NPAS3: variants seen among roughly 807,000 people sequenced by gnomAD.
NPAS3 encodes the protein neuronal PAS domain protein 3, also known as neuronal PAS domain-containing protein 3.
In NPAS3, 14 loss-of-function variants were observed where a neutral mutation model predicts 73.1. That is an observed-to-expected ratio of 0.19 (90% CI 0.13 to 0.30). The LOEUF (loss-of-function observed/expected upper bound fraction) is 0.30, where lower values mean the gene tolerates loss of function less well. Ranked by LOEUF, NPAS3 falls within the 10% of genes least tolerant of loss-of-function variation. The pLI is 1.00. For missense variants in NPAS3, 1,096 were observed against 1,250.0 expected (o/e 0.88, Z 1.86); for synonymous variants, 620 against 541.5 (o/e 1.14, Z -2.01).
intron 4 of NPAS3, among the ~76,000 whole-genome samples, chr14:33,473,073 T>C (rs10150249): frequency 0.042 from 6,379 of 151,604 alleles, 800 homozygotes; most frequent in African/African-American, 0.14. Flanking sequence ...GAGGGTAAGA[T>C]AGTGATTTCG....
intron 3 of NPAS3, among the ~76,000 whole-genome samples, chr14:33,353,187 G>T (rs1168951825): frequency 6.6e-6 from 1 of 151,592 alleles, no homozygotes; most frequent in Non-Finnish European, 1.5e-5. Flanking sequence ...GGGAAACAAG[G>T]TCTTTTTGTC....
intron 1 of NPAS3, among the ~76,000 whole-genome samples, chr14:32,943,982 G>A (rs540063108): frequency 6.6e-6 from 1 of 152,148 alleles, no homozygotes; most frequent in Admixed American, 6.5e-5. Context: ...GAGCCACTGT[G>A]CCTGGCCTTT....
intron 3 of NPAS3, among the ~76,000 whole-genome samples, chr14:33,258,958 C>T (rs574849513): frequency 2.8e-4 from 43 of 152,214 alleles, no homozygotes; most frequent in African/African-American, 9.6e-4. Flanking sequence ...GGACTACAGG[C>T]GCCCGCCACC....
At chr14:33,558,451 G>A (rs914770100) in intron 4 of NPAS3, among the ~76,000 whole-genome samples, 1 of 152,136 alleles carries the variant, frequency 6.6e-6, no homozygotes, top group East Asian at 1.9e-4. Context: ...TAGAGATGGG[G>A]TTTCCACCAT....
At chr14:33,276,448 A>G (rs190292991) in intron 3 of NPAS3, among the ~76,000 whole-genome samples, 12 of 152,274 alleles carry the variant, frequency 7.9e-5, no homozygotes, top group African/African-American at 2.2e-4. Flanking sequence ...CCATCTCCCT[A>G]TTATGAACAA....
chr14:33,425,859 G>A (rs570162752), intron 4 of NPAS3, among the ~76,000 whole-genome samples: 2 of 152,138 alleles, frequency 1.3e-5, no homozygotes, highest in Non-Finnish European at 2.9e-5. Flanking sequence ...CACCTCACGG[G>A]AACTTGTTAG....
chr14:33,772,381 G>A (rs951974938), intron 7 of NPAS3, among the ~76,000 whole-genome samples: 1 of 152,258 alleles, frequency 6.6e-6, no homozygotes, highest in East Asian at 1.9e-4. Context: ...TACCATGATG[G>A]CCACAGGCAA....
chr14:33,459,175 G>A (rs1326140074), intron 4 of NPAS3, among the ~76,000 whole-genome samples: 1 of 152,018 alleles, frequency 6.6e-6, no homozygotes. Flanking sequence ...TGCCATTTTG[G>A]TTTTGGTGGG....
At position 33,675,981 on chromosome 14, in the gene NPAS3, G is replaced by GAAA. The variant is rs370850396; in HGVS notation, c.559-219_559-217dup. Among the ~76,000 whole-genome samples, 59 of 138,120 alleles carry GAAA rather than the reference G, an allele frequency of 4.3e-4. No homozygotes were observed. The Middle Eastern group carries it at 0.015, about 35-fold the overall frequency. The allele number at this position is 138,120 out of a possible 152,430, so 90.6% of individuals were successfully genotyped here. ...CTTTATGCAAACAACAGTGTGTGAG[G>GAAA]AAAAAAAAAAAAACTGAGCTTAACA... On this transcript the variant is annotated intron_variant, in intron 5 of 11. Coordinates refer to ENST00000356141, the Ensembl canonical transcript of NPAS3.
intron 3 of NPAS3, among the ~76,000 whole-genome samples, chr14:33,356,477 G>A (rs987353621): frequency 1.3e-5 from 2 of 152,214 alleles, no homozygotes; most frequent in Non-Finnish European, 2.9e-5. Flanking sequence ...CTAACTGGCT[G>A]CTGCTTTCAG....
intron 2 of NPAS3, among the ~76,000 whole-genome samples, chr14:33,092,285 A>G (rs2042251836): frequency 6.6e-6 from 1 of 152,220 alleles, no homozygotes; most frequent in Non-Finnish European, 1.5e-5. Context: ...AGGATACAAA[A>G]TCAATGTGCA....
chr14:33,691,419 T>C (rs1378503055), intron 6 of NPAS3, among the ~76,000 whole-genome samples: 1 of 152,236 alleles, frequency 6.6e-6, no homozygotes, highest in Non-Finnish European at 1.5e-5. Context: ...TGATCCCATA[T>C]TTAGTCAATT....
intron 4 of NPAS3, among the ~76,000 whole-genome samples, chr14:33,401,428 G>A (rs547782819): frequency 1.5e-4 from 23 of 152,160 alleles, no homozygotes; most frequent in African/African-American, 4.3e-4. Context: ...TGTTAAATAC[G>A]AGAACTTGTA....
intron 4 of NPAS3, among the ~76,000 whole-genome samples, chr14:33,382,894 C>T (rs2138475115): frequency 6.6e-6 from 1 of 152,138 alleles, no homozygotes; most frequent in South Asian, 2.1e-4. Context: ...AGTTTCAAAT[C>T]AGCCTGGGCA....
At chr14:33,341,961 G>A (rs184162075) in intron 3 of NPAS3, among the ~76,000 whole-genome samples, 4 of 152,214 alleles carry the variant, frequency 2.6e-5, no homozygotes, top group Admixed American at 2.6e-4. Context: ...TTTCTGGTTT[G>A]TTACTGTCTT....
chr14:33,067,166 G>A (rs1466399496), intron 2 of NPAS3, among the ~76,000 whole-genome samples: 2 of 152,198 alleles, frequency 1.3e-5, no homozygotes, highest in Admixed American at 6.5e-5. Flanking sequence ...CTGGATGACA[G>A]GGTCCCTTGG....
intron 5 of NPAS3, among the ~76,000 whole-genome samples, chr14:33,655,466 C>T (rs1029031493): frequency 1.3e-5 from 2 of 151,238 alleles, no homozygotes; most frequent in Non-Finnish European, 2.9e-5. Flanking sequence ...TGGCAGAAGG[C>T]AATTCATATA....
chr14:33,644,310 G>A (rs141648961), intron 5 of NPAS3, among the ~76,000 whole-genome samples: 2 of 152,308 alleles, frequency 1.3e-5, no homozygotes, highest in East Asian at 3.9e-4. Context: ...AAAGTAAATG[G>A]CATGAAATAC....
chr14:33,623,081 G>A (rs1032329836), intron 5 of NPAS3, among the ~76,000 whole-genome samples: 1 of 152,146 alleles, frequency 6.6e-6, no homozygotes, highest in Non-Finnish European at 1.5e-5. Flanking sequence ...TATAAACAAC[G>A]AGTCCATGGC....
Sources: gnomAD v4.1 joint callset for allele counts (sites outside exome capture counted in the v4.1 genomes callset) on GRCh38, gnomAD v4.1.1 for gene constraint, MANE v1.5 for transcripts, NCBI Gene and HGNC (gene_info 2026-07-23, HGNC 2026-07-21) for gene names.